Variants in ZNF607 observed in about 807,000 individuals in gnomAD.
ZNF607 encodes the protein zinc finger protein 607.
A neutral mutation model predicts 12.8 loss-of-function variants in ZNF607; 5 were observed. The observed-to-expected ratio is 0.39, with a 90% CI of 0.20 to 0.82. ZNF607 has a LOEUF of 0.82. ZNF607 is among the 40% of genes least tolerant of loss of function. The probability of loss-of-function intolerance (pLI) is 0.39; values close to 1 mark genes in which losing one functional copy is unlikely to be tolerated. For synonymous variants in ZNF607, 287 were observed against 276.2 expected (o/e 1.04, Z -0.39); for missense variants, 851 against 859.2 (o/e 0.99, Z 0.12).
intron 2 of ZNF607, among the ~76,000 whole-genome samples, chr19:37,710,216 G>A (rs1187526922): frequency 6.6e-6 from 1 of 151,950 alleles, no homozygotes; most frequent in Non-Finnish European, 1.5e-5. Flanking sequence ...TGTAATTCCA[G>A]AACTTTGGGA....
rs779433758 is a variant in ZNF607, at chr19:37,698,511, C to G, written c.1620G>C (p.Lys540Asn). Residue 540 changes from lysine (K) to asparagine (N), a missense_variant, in exon 5 of 5, where the codon AAG (lysine) becomes AAC (asparagine). Lys to Asn is a moderately conservative substitution (Grantham distance 94, BLOSUM62 0). Transcript: ENST00000355202. ...TAAGTACAGAAATGAACCTAAAAGA[C>G]TTCCCGCATTTGTTGCATTCAAAGG... is the stretch of plus-strand genomic sequence containing the variant. ...KKPFECNKCG[K>N]SFRFISVLKA... is the part of the protein sequence containing the mutation. The G allele has an allele frequency of 6.2e-7, 1 of 1,611,880 alleles. No homozygotes were observed. Among genetic ancestry groups the G allele is most frequent in the East Asian group, 2.2e-5 (1 of 44,832 alleles).
chr19:37,700,477 G>A (rs771458547), intron 4 of ZNF607, among the ~76,000 whole-genome samples: 3 of 151,978 alleles, frequency 2.0e-5, no homozygotes. Context: ...CTACAGTTTC[G>A]GGAACACCCA....
At position 37,697,470 on chromosome 19, in the gene ZNF607, T is replaced by C; in HGVS notation, c.*570A>G. 1 of 687,372 alleles carries C rather than the reference T, an allele frequency of 1.5e-6. No individual in the cohort carries two copies. The allele number at this position is 687,372 out of a possible 1,614,324, so 42.6% of individuals were successfully genotyped here. The stretch of plus-strand genomic sequence containing the variant: ...CCTCCACATCTAACTCATGTAATTC[T>C]AACAGCACTATACTGTAGGTACTAC... On this transcript the variant is annotated 3_prime_UTR_variant, in exon 5 of 5. Coordinates refer to ENST00000355202, the MANE Select transcript of ZNF607 (RefSeq NM_032689.5).
chr19:37,700,093 GAC>G (rs201879260), intron 4 of ZNF607, among the ~76,000 whole-genome samples, 198 bp from the exon 5 acceptor site: 6 of 151,588 alleles, frequency 4.0e-5, no homozygotes, highest in Non-Finnish European at 5.9e-5. Flanking sequence ...TACACAAAGA[GAC>G]ACACACACAC....
intron 1 of ZNF607, among the ~76,000 whole-genome samples, chr19:37,718,420 T>G (rs991274123): frequency 6.6e-6 from 1 of 152,084 alleles, no homozygotes; most frequent in African/African-American, 2.4e-5. Flanking sequence ...GAAGGAAGTA[T>G]GTTGGATGGA....
chr19:37,699,698 C>A lies in ZNF607; in HGVS notation c.433G>T (p.Glu145Ter), dbSNP rs1267129388. The A allele has an allele frequency of 6.2e-7, 1 of 1,614,092 alleles. No individual in the cohort carries two copies. Among genetic ancestry groups the A allele is most frequent in the South Asian group, 1.1e-5 (1 of 91,070 alleles). ...IHTSEEPDQC[E>*]KFRKAFSHLT... The stretch of plus-strand genomic sequence containing the variant: ...TGGCTAAATGCCTTCCTAAACTTTT[C>A]ACATTGATCAGGTTCCTCACTAGTA... The change falls in exon 5 of 5, where the codon GAA becomes TAA. Residue 145 changes from glutamate to a stop codon, truncating the protein, a stop_gained. Coordinates refer to ENST00000355202, the MANE Select transcript of ZNF607 (RefSeq NM_032689.5). LOFTEE classifies it low-confidence loss of function (END_TRUNC).
intron 1 of ZNF607, among the ~76,000 whole-genome samples, chr19:37,712,043 T>A (rs1468981273): frequency 6.6e-6 from 1 of 152,082 alleles, no homozygotes; most frequent in African/African-American, 2.4e-5. Context: ...CCTTTAAGGG[T>A]AAAAACAGGG....
Position 37,709,729 on chromosome 19 carries a change from T to TCA in ZNF607, c.101_102dup (p.Met35Ter). The TCA allele has an allele frequency of 6.2e-7, 1 of 1,614,012 alleles. No individual in the cohort carries two copies. Among genetic ancestry groups the TCA allele is most frequent in the Non-Finnish European group, 8.5e-7 (1 of 1,179,882 alleles). On this transcript the variant is annotated frameshift_variant, in exon 3 of 5. Coordinates refer to ENST00000355202, the MANE Select transcript of ZNF607 (RefSeq NM_032689.5). LOFTEE classifies it high-confidence loss of function. Reference sequence around the variant, plus strand: ...ACTAAGTTGTCATAGTTCTCCATCATCACCTCCTGGTACAAGGTCTTCTGA... The same window carrying TCA: ...ACTAAGTTGTCATAGTTCTCCATCATCACACCTCCTGGTACAAGGTCTTCTGA...
rs1319782565 is a variant in ZNF607, at chr19:37,698,144, G to T, written c.1987C>A (p.His663Asn). 1 of 1,613,868 alleles carries T rather than the reference G, an allele frequency of 6.2e-7. No individual in the cohort carries two copies. The highest frequency in any genetic ancestry group is 8.5e-7 in the Non-Finnish European group (1 of 1,179,940). The stretch of plus-strand genomic sequence containing the variant: ...TTCTCACCAGTATGAACTCTATGAT[G>T]TATACTAAGTTCATGGCTACTATTA... Reference protein sequence around the residue: ...AFNSSHELSIHHRVHTGEKPF... With the variant: ...AFNSSHELSINHRVHTGEKPF... The change falls in exon 5 of 5, where the codon CAT becomes AAT. Residue 663 changes from histidine to asparagine, a missense_variant. His to Asn is a moderately conservative substitution (Grantham distance 68). Coordinates refer to ENST00000355202, the MANE Select transcript of ZNF607 (RefSeq NM_032689.5).
intron 1 of ZNF607, among the ~76,000 whole-genome samples, chr19:37,718,831 C>A (rs1395557242): frequency 6.6e-6 from 1 of 152,088 alleles, no homozygotes; most frequent in Admixed American, 6.6e-5. Flanking sequence ...GATCCCTAAC[C>A]TTCTTGGCTA....
In ZNF607 at chr19:37,697,294, CA is replaced by C; in HGVS notation, c.*745del. 1.1e-6 allele frequency: 1 copy of C among 921,764 alleles called. No homozygotes were observed. Among genetic ancestry groups the C allele is most frequent in the Non-Finnish European group, 1.8e-6 (1 of 557,366 alleles). 57.1% of individuals were successfully genotyped at this position (921,764 alleles called of 1,614,324 possible). A position where few individuals can be genotyped will look rare whatever the true frequency, so the allele number is the denominator to read the frequency against. ...ACTCCACGGAATTGGTCAAAGATGG[CA>C]GCTCTGTGCCCAGCATCCACATTAC... On this transcript the variant is annotated 3_prime_UTR_variant, in exon 5 of 5. Transcript: ENST00000355202.
intron 2 of ZNF607, among the ~76,000 whole-genome samples, chr19:37,711,017 T>C (rs1046783617): frequency 2.0e-5 from 3 of 152,242 alleles, no homozygotes; most frequent in Admixed American, 6.5e-5. Context: ...ATGAGCATTT[T>C]TGTTTGTTTT....
chr19:37,713,731 G>A (rs1028945736), intron 1 of ZNF607, among the ~76,000 whole-genome samples: 3 of 152,016 alleles, frequency 2.0e-5, no homozygotes, highest in Non-Finnish European at 4.4e-5. Context: ...GAGCCACCAC[G>A]CCCGGCCCAA....
intron 1 of ZNF607, among the ~76,000 whole-genome samples, chr19:37,717,482 G>C (rs2045186013): frequency 6.6e-6 from 1 of 151,462 alleles, no homozygotes; most frequent in Non-Finnish European, 1.5e-5. Context: ...ACTGTGCCAG[G>C]CCCAAAATTC....
chr19:37,717,541 A>G (rs1032508699), intron 1 of ZNF607, among the ~76,000 whole-genome samples: 1 of 150,974 alleles, frequency 6.6e-6, no homozygotes, highest in Non-Finnish European at 1.5e-5. Flanking sequence ...CACGCCTGTA[A>G]TCCCAACACT....
chr19:37,711,721 C>A, intron 1 of ZNF607, 29 bp from the exon 2 acceptor site: 2 of 1,236,456 alleles, frequency 1.6e-6, no homozygotes, highest in Non-Finnish European at 2.4e-6. Context: ...TTGAGACCAG[C>A]TGTGCTTTAG....
intron 4 of ZNF607, among the ~76,000 whole-genome samples, chr19:37,700,177 G>T (rs2045027598): frequency 6.6e-6 from 1 of 152,094 alleles, no homozygotes; most frequent in Admixed American, 6.5e-5. Context: ...ATTTCTAGCT[G>T]TCAATTTAAT....
At chr19:37,710,888 G>A (rs774523692) in intron 2 of ZNF607, among the ~76,000 whole-genome samples, 1 of 152,112 alleles carries the variant, frequency 6.6e-6, no homozygotes, top group East Asian at 1.9e-4. Flanking sequence ...TAGGTTTCCT[G>A]TGACCTCGTG....
intron 4 of ZNF607, 113 bp downstream of exon 4, chr19:37,707,801 A>G: frequency 1.2e-6 from 1 of 807,160 alleles, no homozygotes; most frequent in African/African-American, 1.7e-5. Flanking sequence ...CTCCTCGCTG[A>G]GAAGGGAAAT....
Sources: gnomAD v4.1 joint callset for allele counts (sites outside exome capture counted in the v4.1 genomes callset) on GRCh38, gnomAD v4.1.1 for gene constraint, MANE v1.5 for transcripts, NCBI Gene and HGNC (gene_info 2026-07-23, HGNC 2026-07-21) for gene names.